CHD1: variants seen among roughly 807,000 people sequenced by gnomAD.
CHD1 encodes ATP-dependent chromatin remodeler CHD1.
In CHD1, 36 loss-of-function variants were observed where a neutral mutation model predicts 224.2. The observed-to-expected ratio is 0.16, with a 90% CI of 0.12 to 0.21. The LOEUF (loss-of-function observed/expected upper bound fraction) is 0.21. CHD1 is among the 10% of genes least tolerant of loss of function. CHD1 has a pLI of 1.00. For synonymous variants in CHD1, 668 were observed against 658.3 expected (o/e 1.01, Z -0.23); for missense variants, 1,378 against 1,994.8 (o/e 0.69, Z 5.89).
At chr5:98,889,040 C>T (rs1300579546) in intron 16 of CHD1, 36 bp downstream of exon 16, 1 of 1,437,408 alleles carries the variant, frequency 7.0e-7, no homozygotes, top group South Asian at 1.3e-5. Context: ...ATTTCTAGAA[C>T]TTTATCACAA....
chr5:98,869,672 T>C, intron 30 of CHD1, 82 bp downstream of exon 30: 1 of 1,472,144 alleles, frequency 6.8e-7, no homozygotes, highest in Admixed American at 1.9e-5. Flanking sequence ...ACCTAAAATA[T>C]AAATTTTAAA....
At chr5:98,917,478 G>T (rs1752812744) in intron 2 of CHD1, among the ~76,000 whole-genome samples, 1 of 152,026 alleles carries the variant, frequency 6.6e-6, no homozygotes, top group Non-Finnish European at 1.5e-5. Flanking sequence ...AAGCTTTAAA[G>T]GAACTCAAAT....
At chr5:98,859,347 G>T (rs762374109) in intron 33 of CHD1, among the ~76,000 whole-genome samples, 3 of 151,954 alleles carry the variant, frequency 2.0e-5, no homozygotes, top group Non-Finnish European at 4.4e-5. Context: ...ATTAACATTG[G>T]TATAACACTA....
rs955353109 is a variant in CHD1 at position 98,873,908 on chromosome 5, T to C, written c.3441-185A>G. Among the ~76,000 whole-genome samples the C allele has an allele frequency of 3.9e-5, 6 of 152,210 alleles. No homozygotes were observed. The East Asian group carries it at 7.7e-4, about 19-fold the overall frequency. On this transcript the variant is annotated intron_variant, in intron 25 of 35. Coordinates refer to ENST00000614616, the MANE Select transcript of CHD1 (RefSeq NM_001270.4). ...ATGTGGTAGACAAACAATTCATTTA[T>C]ATATTCAATAATAATGAGTTTAATT...
In CHD1 at chr5:98,884,721, C is replaced by CT. The variant is rs375839054; in HGVS notation, c.2568+856dup. On this transcript the variant is annotated intron_variant, in intron 18 of 35. Coordinates refer to ENST00000614616, the MANE Select transcript of CHD1 (RefSeq NM_001270.4). Reference sequence around the variant, plus strand: ...TGTTGTTTTTGGGTTTTTTCTTTCCCTTTTTTTTTTTTTGAGACAGAGTCT... The same window carrying CT: ...TGTTGTTTTTGGGTTTTTTCTTTCCCTTTTTTTTTTTTTTGAGACAGAGTCT... Among the ~76,000 whole-genome samples the CT allele has an allele frequency of 5.6e-3, 798 of 142,150 alleles. 7 individuals are homozygous for CT. The highest frequency in any genetic ancestry group is 0.021 in the South Asian group (93 of 4,506). The allele number at this position is 142,150 out of a possible 152,430, so 93.3% of individuals were successfully genotyped here.
At chr5:98,924,677 G>A (rs1253356813) in intron 2 of CHD1, among the ~76,000 whole-genome samples, 1 of 152,174 alleles carries the variant, frequency 6.6e-6, no homozygotes, top group African/African-American at 2.4e-5. Context: ...AGCAAGGTCA[G>A]AAAATTCCAA....
At chr5:98,895,547 G>A (rs1751289895) in intron 12 of CHD1, among the ~76,000 whole-genome samples, 1 of 151,712 alleles carries the variant, frequency 6.6e-6, no homozygotes, top group Non-Finnish European at 1.5e-5. Flanking sequence ...GAGGTCAGGA[G>A]TTTGAGACCA....
At chr5:98,873,261 C>T (rs1749496454) in intron 26 of CHD1, among the ~76,000 whole-genome samples, 1 of 152,030 alleles carries the variant, frequency 6.6e-6, no homozygotes, top group South Asian at 2.1e-4. Flanking sequence ...GTCATCTATA[C>T]TAAAAAACCT....
At chr5:98,908,956 T>C (rs1752218748) in intron 2 of CHD1, among the ~76,000 whole-genome samples, 1 of 152,126 alleles carries the variant, frequency 6.6e-6, no homozygotes, top group Non-Finnish European at 1.5e-5. Context: ...CAAATTAAAG[T>C]GTCTTTTCAA....
At chr5:98,865,083 G>A (rs1429547915) in intron 31 of CHD1, among the ~76,000 whole-genome samples, 1 of 152,162 alleles carries the variant, frequency 6.6e-6, no homozygotes, top group Non-Finnish European at 1.5e-5. Context: ...GAAAGAGCAG[G>A]GAGCTTCCTA....
intron 12 of CHD1, among the ~76,000 whole-genome samples, chr5:98,895,172 C>A (rs1751264631): frequency 6.6e-6 from 1 of 152,102 alleles, no homozygotes; most frequent in Non-Finnish European, 1.5e-5. Flanking sequence ...ATAAATAAAA[C>A]ATAAATACCA....
intron 2 of CHD1, among the ~76,000 whole-genome samples, chr5:98,921,867 G>C (rs1009622570): frequency 5.3e-5 from 8 of 152,038 alleles, no homozygotes; most frequent in African/African-American, 1.9e-4. Context: ...ACTAAAAAAA[G>C]TCAGCCAGGC....
chr5:98,870,300 T>TC (rs1749236307), intron 29 of CHD1, among the ~76,000 whole-genome samples: 2 of 152,156 alleles, frequency 1.3e-5, no homozygotes, highest in South Asian at 4.1e-4. Context: ...GGTGTCTTTT[T>TC]CCTTCTTTTT....
Position 98,872,105 on chromosome 5 carries a change from T to A in CHD1, c.3807A>T (p.Gly1269=). The change falls in exon 28 of 36, where the codon GGA becomes GGT. Residue 1269 remains glycine, a synonymous_variant. Transcript: ENST00000614616. ...SNLLIGIYEY[G]YGSWEMIKMD... ...TTTTAATCATTTCCCAGCTTCCATA[T>A]CCATATTCATAGATGCCAATTAACA... is the stretch of plus-strand genomic sequence containing the variant. 1 of 1,613,344 alleles carries A rather than the reference T, an allele frequency of 6.2e-7. No homozygotes were observed. The highest frequency in any genetic ancestry group is 8.5e-7 in the Non-Finnish European group (1 of 1,179,434).
At chr5:98,873,216 A>G (rs770748597) in intron 26 of CHD1, among the ~76,000 whole-genome samples, 1 of 152,124 alleles carries the variant, frequency 6.6e-6, no homozygotes, top group Non-Finnish European at 1.5e-5. Flanking sequence ...TCCCAAACCA[A>G]TATCATATGT....
At chr5:98,923,670 C>T (rs1753256380) in intron 2 of CHD1, among the ~76,000 whole-genome samples, 1 of 152,132 alleles carries the variant, frequency 6.6e-6, no homozygotes, top group African/African-American at 2.4e-5. Context: ...TGCTCGGCCT[C>T]CCAAAGTGCT....
rs369436623 is a variant in CHD1 at position 98,899,596 on chromosome 5, T to C, written c.969A>G (p.Lys323=). 484 of 1,613,712 alleles carry C rather than the reference T, an allele frequency of 3.0e-4. No homozygotes were observed. Among genetic ancestry groups the C allele is most frequent in the Non-Finnish European group, 3.9e-4 (464 of 1,179,796 alleles). The change falls in exon 8 of 36, where the codon AAA becomes AAG. Residue 323 remains lysine (K), a synonymous_variant. Coordinates refer to ENST00000614616, the MANE Select transcript of CHD1 (RefSeq NM_001270.4). ...AAGTGTTGTGGATATGGGACCATCC[T>C]TTCCATTTAATTAAATACTGAATCT... ...PGEIQYLIKW[K]GWSHIHNTWE... is the part of the protein sequence containing the mutation.
chr5:98,855,736 GGGAA>G lies in CHD1; in HGVS notation c.*640_*643del, dbSNP rs1376809241. 3 of 150,718 alleles carry G rather than the reference GGGAA, an allele frequency of 2.0e-5. No individual in the cohort carries two copies. The highest frequency in any genetic ancestry group is 7.3e-5 in the African/African-American group (3 of 41,010). The allele number at this position is 150,718 out of a possible 1,614,324, so 9.3% of individuals were successfully genotyped here. On this transcript the variant is annotated 3_prime_UTR_variant, in exon 36 of 36. Transcript: ENST00000614616. ...GAACAGTCAAAAAAAGCCTGAGAAA[GGGAA>G]GGAAGTAAGGAAAGTTCCTTTAATA...
chr5:98,863,848 C>CA (rs1449067069), intron 31 of CHD1, among the ~76,000 whole-genome samples: 2 of 152,020 alleles, frequency 1.3e-5, no homozygotes, highest in Non-Finnish European at 2.9e-5. Context: ...TTAGCTTCTA[C>CA]AAAAATGGTT....
Sources: gnomAD v4.1 joint callset for allele counts (sites outside exome capture counted in the v4.1 genomes callset) on GRCh38, gnomAD v4.1.1 for gene constraint, MANE v1.5 for transcripts, NCBI Gene and HGNC (gene_info 2026-07-23, HGNC 2026-07-21) for gene names.